UST: variants seen among roughly 807,000 people sequenced by gnomAD.
The protein encoded by UST is uronyl 2-sulfotransferase, also known as chondroitin sulfate 2-O-sulfotransferase.
A neutral mutation model predicts 45.6 loss-of-function variants in UST; 21 were observed. The ratio of observed to expected loss-of-function variants is 0.46; its 90% confidence interval spans 0.33 to 0.66. The LOEUF is 0.66. Ranked by LOEUF, UST falls within the 30% of genes least tolerant of loss-of-function variation. The pLI is 0.02. For missense variants in UST, 463 were observed against 512.4 expected (o/e 0.90, Z 0.93); for synonymous variants, 215 against 200.6 (o/e 1.07, Z -0.61).
At chr6:148,992,417 C>G (rs953798227) in intron 5 of UST, among the ~76,000 whole-genome samples, 1 of 152,090 alleles carries the variant, frequency 6.6e-6, no homozygotes, top group South Asian at 2.1e-4. Flanking sequence ...TGCAGTGAGC[C>G]GAGATCGCGC....
At position 148,748,925 on chromosome 6, in the gene UST, G is replaced by GAA. The variant is rs551593699; in HGVS notation, c.247+1259_247+1260dup. On this transcript the variant is annotated intron_variant, in intron 1 of 7. Transcript: ENST00000367463. The surrounding 1 kb of genome is among the most constrained non-coding windows in gnomAD (Gnocchi z 5.3). Reference sequence around the variant, plus strand: ...GTTTGGAGAAAAGAGAAAAGAAAAGGAAAAAAAAAAAACCCAAAACAAACA... The same window carrying GAA: ...GTTTGGAGAAAAGAGAAAAGAAAAGGAAAAAAAAAAAAAACCCAAAACAAACA... 1.1e-4 allele frequency among the ~76,000 whole-genome samples: 15 copies of GAA among 134,596 alleles called. No individual in the cohort carries two copies. The highest frequency in any genetic ancestry group is 3.7e-4 in the African/African-American group (14 of 37,522). The allele number at this position is 134,596 out of a possible 152,430, so 88.3% of individuals were successfully genotyped here.
At chr6:148,952,822 A>T (rs1318030775) in intron 3 of UST, among the ~76,000 whole-genome samples, 1 of 152,234 alleles carries the variant, frequency 6.6e-6, no homozygotes, top group African/African-American at 2.4e-5. Context: ...TGCTTTTAAA[A>T]AATTCCACAG....
At chr6:148,904,183 T>C (rs145832682) in intron 2 of UST, among the ~76,000 whole-genome samples, 170 of 152,298 alleles carry the variant, frequency 1.1e-3, no homozygotes, top group African/African-American at 3.8e-3. Flanking sequence ...AGACTCAAAG[T>C]GCCTCAAATC....
chr6:149,029,463 T>C (rs1455625346), intron 7 of UST, among the ~76,000 whole-genome samples: 3 of 145,538 alleles, frequency 2.1e-5, no homozygotes, highest in Admixed American at 1.4e-4. Flanking sequence ...ATACATTATA[T>C]ATTATATATA....
chr6:149,061,293 T>A (rs1379637289), intron 7 of UST, among the ~76,000 whole-genome samples: 3 of 152,126 alleles, frequency 2.0e-5, no homozygotes. Context: ...CAGGAACAGG[T>A]CTGTGATTTC....
chr6:148,836,542 A>C (rs1459507171), intron 1 of UST, among the ~76,000 whole-genome samples: 1 of 152,220 alleles, frequency 6.6e-6, no homozygotes, highest in African/African-American at 2.4e-5. Context: ...CCAATCACTG[A>C]ACTTCTCTGA....
In UST at chr6:149,031,629, A is replaced by T. The variant is rs182645964; in HGVS notation, c.937+10148A>T. ...TATGAAAGATTAACAGGAAAATAGAACTTCCTTCACAGACATTGATGTTCT... is the reference window on the plus strand; with the variant it reads ...TATGAAAGATTAACAGGAAAATAGATCTTCCTTCACAGACATTGATGTTCT... On this transcript the variant is annotated intron_variant, in intron 7 of 7. Transcript: ENST00000367463. Among the ~76,000 whole-genome samples the T allele has an allele frequency of 2.0e-5, 3 of 152,376 alleles. No individual in the cohort carries two copies. The East Asian group carries it at 5.8e-4, about 29-fold the overall frequency.
intron 5 of UST, chr6:148,990,465 C>T (rs1391042962): frequency 5.4e-5 from 50 of 922,114 alleles, no homozygotes; most frequent in Non-Finnish European, 6.5e-5. Context: ...GCTGCTTGAC[C>T]TCTTTAACGT....
intron 2 of UST, among the ~76,000 whole-genome samples, chr6:148,930,914 AT>A (rs1189953545): frequency 6.6e-6 from 1 of 152,378 alleles, no homozygotes; most frequent in East Asian, 1.9e-4. Flanking sequence ...TGATTCAGAC[AT>A]TTCAAATGGA....
chr6:148,873,180 A>G (rs1449638722), intron 1 of UST, among the ~76,000 whole-genome samples: 3 of 152,212 alleles, frequency 2.0e-5, no homozygotes, highest in Non-Finnish European at 4.4e-5. Flanking sequence ...TTTTATATCA[A>G]ATATTTCAAA....
chr6:148,965,464 T>A (rs926464556), intron 5 of UST, among the ~76,000 whole-genome samples: 3 of 152,122 alleles, frequency 2.0e-5, no homozygotes, highest in Admixed American at 2.0e-4. Context: ...TCAGAGGTGT[T>A]GTTCCCAAAG....
chr6:148,945,193 T>A (rs1354057686), intron 3 of UST, among the ~76,000 whole-genome samples: 1 of 152,240 alleles, frequency 6.6e-6, no homozygotes, highest in Non-Finnish European at 1.5e-5. Context: ...TTCATTGAAC[T>A]TTTTGGACCT....
chr6:148,882,606 AGAAG>A (rs1400619147), intron 1 of UST, among the ~76,000 whole-genome samples: 1 of 152,088 alleles, frequency 6.6e-6, no homozygotes, highest in Non-Finnish European at 1.5e-5. Flanking sequence ...AAAGAAAGAA[AGAAG>A]GAAGGGGAAA....
chr6:149,072,326 T>G (rs1562346248), intron 7 of UST, among the ~76,000 whole-genome samples: 2 of 152,124 alleles, frequency 1.3e-5, no homozygotes, highest in South Asian at 2.1e-4. Flanking sequence ...TTGCGTTCTA[T>G]CTATACAATG....
intron 7 of UST, among the ~76,000 whole-genome samples, chr6:149,056,157 G>A (rs567520399): frequency 1.7e-5 from 1 of 59,948 alleles, no homozygotes; most frequent in East Asian, 3.1e-4. Flanking sequence ...ATGGGGTCTC[G>A]CTATGTCGCT....
chr6:149,025,875 G>A (rs1437304069), intron 7 of UST, among the ~76,000 whole-genome samples: 6 of 151,872 alleles, frequency 4.0e-5, no homozygotes, highest in Non-Finnish European at 7.4e-5. Flanking sequence ...AAGTCCAGGC[G>A]TGGTGGCTCA....
intron 1 of UST, among the ~76,000 whole-genome samples, chr6:148,769,306 C>T (rs911642211): frequency 3.3e-5 from 5 of 152,204 alleles, no homozygotes; most frequent in South Asian, 2.1e-4. Flanking sequence ...AAATTCAAGG[C>T]ACCACAGACA....
At position 149,019,202 on chromosome 6, in the gene UST, A is replaced by G; in HGVS notation, c.745A>G (p.Ile249Val). ...CTCCAACCCCAGGTTATTTTACATC[A>G]TTCCGTACTTTTGTGGACAGCATCC... Reference protein sequence around the residue: ...ECSNPRLFYIIPYFCGQHPRC... With the variant: ...ECSNPRLFYIVPYFCGQHPRC... The change falls in exon 6 of 8, where the codon ATT becomes GTT. Residue 249 changes from isoleucine to valine, a missense_variant. Transcript: ENST00000367463. The G allele has an allele frequency of 6.2e-7, 1 of 1,614,036 alleles. No homozygotes were observed. The highest frequency in any genetic ancestry group is 8.5e-7 in the Non-Finnish European group (1 of 1,179,974).
chr6:148,829,207 A>C (rs944678578), intron 1 of UST, among the ~76,000 whole-genome samples: 1 of 152,058 alleles, frequency 6.6e-6, no homozygotes, highest in Non-Finnish European at 1.5e-5. Flanking sequence ...GTGACGTTTA[A>C]GATTAACCAT....
Sources: gnomAD v4.1 joint callset for allele counts (sites outside exome capture counted in the v4.1 genomes callset) on GRCh38, gnomAD v4.1.1 for gene constraint, Gnocchi (gnomAD v3.1) non-coding constraint, MANE v1.5 for transcripts, NCBI Gene and HGNC (gene_info 2026-07-23, HGNC 2026-07-21) for gene names.